The following CPED1 variants were observed in gnomAD, a reference collection of about 807,000 sequenced individuals.
The protein encoded by CPED1 is cadherin-like and PC-esterase domain-containing protein 1.
A neutral mutation model predicts 128.2 loss-of-function variants in CPED1; 114 were observed. That is an observed-to-expected ratio of 0.89 (90% confidence interval 0.76 to 1.04). The LOEUF is 1.04. Ranked by LOEUF, CPED1 falls within the 50% of genes least tolerant of loss-of-function variation. The pLI is 0.00. For missense variants in CPED1, 1,211 were observed against 1,207.1 expected (o/e 1.00, Z -0.05); for synonymous variants, 462 against 426.7 (o/e 1.08, Z -1.02).
intron 6 of CPED1, 63 bp from the exon 7 acceptor site, chr7:121,099,863 T>C (rs1291622092): frequency 1.3e-6 from 2 of 1,538,758 alleles, no homozygotes; most frequent in East Asian, 4.5e-5. Context: ...TTGTAGGTAA[T>C]TTACAAATTA....
chr7:121,253,287 G>A (rs1326044197), intron 18 of CPED1, among the ~76,000 whole-genome samples: 1 of 125,328 alleles, frequency 8.0e-6, no homozygotes, highest in African/African-American at 3.1e-5. Flanking sequence ...ACAGGAAGGG[G>A]AACATCACAC....
intron 2 of CPED1, among the ~76,000 whole-genome samples, chr7:121,004,701 T>G (rs1198814307): frequency 6.6e-6 from 1 of 152,094 alleles, no homozygotes; most frequent in African/African-American, 2.4e-5. Context: ...AGCAAGGAAT[T>G]CAGGAATTTC....
At chr7:121,019,807 A>ATTCTCTAAAGGAGAATTCC (rs1204782448) in intron 3 of CPED1, among the ~76,000 whole-genome samples, 63 of 152,028 alleles carry the variant, frequency 4.1e-4, no homozygotes, top group Non-Finnish European at 5.9e-4. Flanking sequence ...AGAACATATA[A>ATTCTCTAAAGGAGAATTCC]TTCTCTAAAG....
At chr7:121,215,030 G>A (rs541046910) in intron 16 of CPED1, among the ~76,000 whole-genome samples, 18 of 152,150 alleles carry the variant, frequency 1.2e-4, no homozygotes, top group South Asian at 4.1e-4. Flanking sequence ...TGCATTAATA[G>A]TGGATGGCAA....
chr7:121,023,914 G>A (rs1792503950), intron 3 of CPED1, among the ~76,000 whole-genome samples: 1 of 152,100 alleles, frequency 6.6e-6, no homozygotes, highest in Non-Finnish European at 1.5e-5. Flanking sequence ...CCGGTGTTTT[G>A]CCTAGAACAC....
chr7:121,182,936 AT>A (rs766135522), intron 16 of CPED1, among the ~76,000 whole-genome samples: 1 of 150,908 alleles, frequency 6.6e-6, no homozygotes, highest in Non-Finnish European at 1.5e-5. Flanking sequence ...TTATGCTAGC[AT>A]TTTTTTCTTC....
chr7:120,989,918 A>G (rs1345064691), intron 2 of CPED1, 48 bp downstream of exon 2: 26 of 1,606,888 alleles, frequency 1.6e-5, no homozygotes, highest in African/African-American at 4.0e-5. Flanking sequence ...AAAGACAGCA[A>G]TCTGCTTCTC....
chr7:121,025,712 C>T (rs1792561236), intron 3 of CPED1, among the ~76,000 whole-genome samples: 1 of 152,112 alleles, frequency 6.6e-6, no homozygotes, highest in South Asian at 2.1e-4. Context: ...GGACATTCTC[C>T]AAGATATTTA....
Position 121,142,000 on chromosome 7 carries a change from A to C in CPED1, c.1914A>C (p.Gly638=). 1 of 1,612,514 alleles carries C rather than the reference A, an allele frequency of 6.2e-7. No individual in the cohort carries two copies. The highest frequency in any genetic ancestry group is 8.5e-7 in the Non-Finnish European group (1 of 1,178,950). The part of the protein sequence containing the change: ...PSFASYPLGL[G]MNKISIFVVD... ...TTGCCAGCTACCCTCTGGGCTTAGG[A>C]ATGAACAAAATCTCAATATTTGTTG... is the stretch of plus-strand genomic sequence containing the variant. Residue 638 remains glycine (G), a synonymous_variant, in exon 16 of 23, where the codon GGA becomes GGC. Coordinates refer to ENST00000310396, the MANE Select transcript of CPED1 (RefSeq NM_024913.5).
In CPED1 at chr7:121,219,979, A is replaced by G. The variant is rs59128753; in HGVS notation, c.2056-16735A>G. Reference sequence around the variant, plus strand: ...GCGATTACTTAGGTAAACCTTGTTCACTGCCAATTTTTATTGGAATGAATT... The same window carrying G: ...GCGATTACTTAGGTAAACCTTGTTCGCTGCCAATTTTTATTGGAATGAATT... On this transcript the variant is annotated intron_variant, in intron 16 of 22. Coordinates refer to ENST00000310396, the MANE Select transcript of CPED1 (RefSeq NM_024913.5). Among the ~76,000 whole-genome samples, 1,253 of 152,142 alleles carry G rather than the reference A, an allele frequency of 8.2e-3. 16 individuals carry two copies. Among genetic ancestry groups the G allele is most frequent in the African/African-American group, 0.028 (1,166 of 41,548 alleles).
chr7:121,291,991 G>T (rs1396554447), intron 22 of CPED1, among the ~76,000 whole-genome samples: 1 of 151,650 alleles, frequency 6.6e-6, no homozygotes, highest in Non-Finnish European at 1.5e-5. Flanking sequence ...GCCTAGTTGG[G>T]GTTGCTCTTC....
chr7:121,050,654 G>A (rs887450056), intron 4 of CPED1: 5 of 341,828 alleles, frequency 1.5e-5, no homozygotes, highest in Non-Finnish European at 2.3e-5. Context: ...TAGTAGAGAC[G>A]GGGTTTCACC....
chr7:121,066,166 TA>T (rs1292723438), intron 5 of CPED1, among the ~76,000 whole-genome samples: 7 of 152,108 alleles, frequency 4.6e-5, no homozygotes, highest in African/African-American at 1.4e-4. Context: ...AAACTAAACA[TA>T]ATACTATATA....
intron 16 of CPED1, among the ~76,000 whole-genome samples, chr7:121,194,423 T>G (rs998153894): frequency 5.3e-5 from 8 of 152,116 alleles, no homozygotes; most frequent in African/African-American, 1.9e-4. Flanking sequence ...TTAAATATAA[T>G]TTAATTAAAA....
At chr7:121,112,068 C>T (rs1216984801) in intron 7 of CPED1, among the ~76,000 whole-genome samples, 3 of 152,038 alleles carry the variant, frequency 2.0e-5, no homozygotes, top group African/African-American at 4.8e-5. Context: ...TGCCTGTCAT[C>T]GTCTTGTAGT....
At chr7:120,994,081 G>C (rs1796353520) in intron 2 of CPED1, 1 of 162,818 alleles carries the variant, frequency 6.1e-6, no homozygotes, top group Admixed American at 6.4e-5. Flanking sequence ...CCACAACAAT[G>C]GTGAGTAATG....
At chr7:121,116,648 A>G (rs1288242462) in intron 7 of CPED1, among the ~76,000 whole-genome samples, 1 of 152,170 alleles carries the variant, frequency 6.6e-6, no homozygotes, top group Non-Finnish European at 1.5e-5. Context: ...GGGTCCATCC[A>G]TAGTCCTAAA....
At chr7:121,124,113 T>G (rs1054005392) in intron 7 of CPED1, among the ~76,000 whole-genome samples, 4 of 152,166 alleles carry the variant, frequency 2.6e-5, no homozygotes, top group Admixed American at 1.3e-4. Context: ...ATAAATGGAG[T>G]AGGCATTTCT....
intron 16 of CPED1, among the ~76,000 whole-genome samples, chr7:121,231,504 T>C (rs1798139124): frequency 6.6e-6 from 1 of 152,060 alleles, no homozygotes; most frequent in Non-Finnish European, 1.5e-5. Flanking sequence ...ACTAGGATAA[T>C]AGAACCAAGA....
Sources: allele counts gnomAD v4.1 joint callset (sites outside exome capture counted in the v4.1 genomes callset), GRCh38; gene constraint gnomAD v4.1.1; transcripts MANE v1.5; gene names NCBI Gene and HGNC (gene_info 2026-07-23, HGNC 2026-07-21).